Variants in FUT8 observed in about 807,000 individuals in gnomAD.
FUT8 encodes the protein fucosyltransferase 8, also known as alpha-(1,6)-fucosyltransferase.
A neutral mutation model predicts 71.3 loss-of-function variants in FUT8; 29 were observed. That is an observed-to-expected ratio of 0.41 (90% CI 0.30 to 0.55). FUT8 has a LOEUF of 0.55. FUT8 is among the 20% of genes least tolerant of loss of function. FUT8 has a pLI of 0.34. For missense variants in FUT8, 544 were observed against 702.1 expected (o/e 0.77, Z 2.55); for synonymous variants, 254 against 239.3 (o/e 1.06, Z -0.57).
chr14:65,664,206 G>A (rs537156788), intron 6 of FUT8, among the ~76,000 whole-genome samples: 5 of 152,098 alleles, frequency 3.3e-5, no homozygotes, highest in Non-Finnish European at 4.4e-5. Context: ...TTGTTTGTCC[G>A]TACTTTTGAT....
intron 3 of FUT8, among the ~76,000 whole-genome samples, chr14:65,586,046 G>A (rs149879728): frequency 3.8e-4 from 58 of 152,230 alleles, no homozygotes; most frequent in Middle Eastern, 6.8e-3. Flanking sequence ...TAATTGCATA[G>A]AGAATAGAAA....
chr14:65,693,069 G>C (rs145899258), intron 7 of FUT8, among the ~76,000 whole-genome samples: 3,894 of 152,250 alleles, frequency 0.026, 159 homozygotes, highest in African/African-American at 0.089. Context: ...ACAATGGGCA[G>C]CCAGGCAGAG....
chr14:65,554,418 A>T (rs1248832838), intron 2 of FUT8, among the ~76,000 whole-genome samples: 1 of 102,018 alleles, frequency 9.8e-6, no homozygotes, highest in Non-Finnish European at 2.0e-5. Flanking sequence ...TTTTAACTAT[A>T]TATCTATATA....
chr14:65,675,341 C>T (rs1037372995), intron 7 of FUT8, among the ~76,000 whole-genome samples: 2 of 152,154 alleles, frequency 1.3e-5, no homozygotes, highest in Non-Finnish European at 2.9e-5. Flanking sequence ...TGCAACCTAC[C>T]AGGATAAAAC....
At chr14:65,462,644 G>A (rs2065984418) in intron 2 of FUT8, among the ~76,000 whole-genome samples, 4 of 152,164 alleles carry the variant, frequency 2.6e-5, no homozygotes, top group Admixed American at 2.6e-4. Flanking sequence ...CTGTAGTATC[G>A]TATTTGAATT....
intron 6 of FUT8, among the ~76,000 whole-genome samples, chr14:65,647,372 T>C (rs979877444): frequency 2.6e-5 from 4 of 152,232 alleles, no homozygotes; most frequent in Admixed American, 6.5e-5. Flanking sequence ...GTAACTCTTA[T>C]GATGCAGGTG....
rs778765691 is a variant in FUT8 at position 65,742,227 on chromosome 14, C to A, written c.1545C>A (p.Pro515=). The stretch of plus-strand genomic sequence containing the variant: ...AAATTGCCATTTATGCTCACCAACC[C>A]CGAACTGCAGATGAAATTCCCATGG... The part of the protein sequence containing the change: ...HNQIAIYAHQ[P]RTADEIPMEP... The change falls in exon 11 of 11, where the codon CCC becomes CCA. Residue 515 remains proline, a synonymous_variant. Coordinates refer to ENST00000673929, the MANE Select transcript of FUT8 (RefSeq NM_001371533.1). 1 of 1,613,120 alleles carries A rather than the reference C, an allele frequency of 6.2e-7. No individual in the cohort carries two copies. The highest frequency in any genetic ancestry group is 8.5e-7 in the Non-Finnish European group (1 of 1,179,420).
chr14:65,677,157 C>T (rs61988025), intron 7 of FUT8, among the ~76,000 whole-genome samples: 392 of 34,392 alleles, frequency 0.011, 4 homozygotes, highest in African/African-American at 0.021. Flanking sequence ...TGTGTGCGCG[C>T]GCGCATGCGC....
intron 5 of FUT8, among the ~76,000 whole-genome samples, chr14:65,629,103 G>T (rs1354990127): frequency 2.6e-5 from 4 of 152,142 alleles, no homozygotes; most frequent in Non-Finnish European, 4.4e-5. Context: ...TTAAAAGGGG[G>T]CATGAAATGA....
intron 7 of FUT8, among the ~76,000 whole-genome samples, chr14:65,687,531 T>C (rs1893354617): frequency 6.6e-6 from 1 of 152,004 alleles, no homozygotes; most frequent in South Asian, 2.1e-4. Flanking sequence ...GTACAGAAAA[T>C]CCAAAAATAA....
intron 3 of FUT8, among the ~76,000 whole-genome samples, chr14:65,571,419 G>C (rs757931881): frequency 1.3e-5 from 2 of 152,152 alleles, no homozygotes; most frequent in African/African-American, 2.4e-5. Context: ...ATGCACTTCA[G>C]ATGATCCATA....
chr14:65,512,943 GTTTC>G (rs1392958988), intron 2 of FUT8, among the ~76,000 whole-genome samples: 1 of 150,534 alleles, frequency 6.6e-6, no homozygotes, highest in East Asian at 2.0e-4. Context: ...AAATTGTGAT[GTTTC>G]TTTCCCATTC....
At chr14:65,464,259 G>GTTT (rs3084724) in intron 2 of FUT8, among the ~76,000 whole-genome samples, 8,993 of 116,388 alleles carry the variant, frequency 0.077, 509 homozygotes, top group Admixed American at 0.13. Context: ...AGTACTTTGG[G>GTTT]TTTTTTTTTT....
At chr14:65,449,074 C>T (rs2065784140) in intron 1 of FUT8, among the ~76,000 whole-genome samples, 1 of 152,054 alleles carries the variant, frequency 6.6e-6, no homozygotes, top group South Asian at 2.1e-4. Context: ...ACAGATTTAC[C>T]TAGACCATTA....
chr14:65,413,044 A>G lies in FUT8; in HGVS notation c.-496A>G, dbSNP rs2065160870. The G allele has an allele frequency of 6.5e-6, 1 of 153,040 alleles. No homozygotes were observed. Among genetic ancestry groups the G allele is most frequent in the Non-Finnish European group, 1.5e-5 (1 of 68,398 alleles). The allele number at this position is 153,040 out of a possible 1,614,324, so 9.5% of individuals were successfully genotyped here. A position where few individuals can be genotyped will look rare whatever the true frequency, so the allele number is the denominator to read the frequency against. On this transcript the variant is annotated 5_prime_UTR_variant, in exon 1 of 11. The change abolishes the stop of an existing upstream ORF in the 5' untranslated region. Coordinates refer to ENST00000673929, the MANE Select transcript of FUT8 (RefSeq NM_001371533.1). This position sits in a 1 kb window ranked among gnomAD's most constrained non-coding sequence, Gnocchi z 4.1. ...GTCAGTGGCGCCGAAGGCTCCGTTA[A>G]GCGGCGGCGGCGGTTCCTGTTTCCG...
intron 1 of FUT8, among the ~76,000 whole-genome samples, chr14:65,420,923 C>T (rs1036180612): frequency 1.3e-5 from 2 of 152,032 alleles, no homozygotes; most frequent in Non-Finnish European, 2.9e-5. Flanking sequence ...GGCCGGGCGC[C>T]GTGGCTCACG....
At chr14:65,440,285 A>G (rs1595378697) in intron 1 of FUT8, among the ~76,000 whole-genome samples, 1 of 151,840 alleles carries the variant, frequency 6.6e-6, no homozygotes, top group East Asian at 1.9e-4. Context: ...TCCAGTGTAC[A>G]GCATGGTTGA....
At chr14:65,488,430 G>A (rs1566780031) in intron 2 of FUT8, 1 of 152,166 alleles carries the variant, frequency 6.6e-6, no homozygotes, top group Non-Finnish European at 1.5e-5. Context: ...GCTCAGTTTT[G>A]TGACTGAAAG....
chr14:65,633,794 G>A (rs1193777473), intron 6 of FUT8, among the ~76,000 whole-genome samples: 19 of 151,774 alleles, frequency 1.3e-4, no homozygotes, highest in African/African-American at 2.7e-4. Flanking sequence ...CAGCCACCCC[G>A]TCTGAGAAGT....
Sources: gnomAD v4.1 joint callset for allele counts (sites outside exome capture counted in the v4.1 genomes callset) on GRCh38, gnomAD v4.1.1 for gene constraint, Gnocchi (gnomAD v3.1) non-coding constraint, MANE v1.5 for transcripts, NCBI Gene and HGNC (gene_info 2026-07-23, HGNC 2026-07-21) for gene names.